Variants in GGACT observed in about 807,000 individuals in gnomAD.
The protein encoded by GGACT is gamma-glutamylaminecyclotransferase.
For synonymous variants in GGACT, 118 were observed against 115.3 expected (o/e 1.02, Z -0.15); for missense variants, 241 against 233.2 (o/e 1.03, Z -0.22).
chr13:100,582,801 G>A (rs771038655), intron 2 of GGACT, among the ~76,000 whole-genome samples: 5 of 152,188 alleles, frequency 3.3e-5, no homozygotes, highest in African/African-American at 4.8e-5. Flanking sequence ...GTGTCAGGAC[G>A]AGAAGCCAGG....
chr13:100,559,304 C>T (rs1346115692), intron 2 of GGACT, among the ~76,000 whole-genome samples: 1 of 152,186 alleles, frequency 6.6e-6, no homozygotes, highest in Admixed American at 6.5e-5. Flanking sequence ...TCTCCTGCCT[C>T]AGCCTCTCGA....
intron 2 of GGACT, among the ~76,000 whole-genome samples, chr13:100,560,157 T>C (rs1384234338): frequency 6.6e-6 from 1 of 152,162 alleles, no homozygotes; most frequent in Non-Finnish European, 1.5e-5. Context: ...GACAGGCCTG[T>C]ATCTTGAATG....
At chr13:100,581,017 G>C (rs144179052) in intron 2 of GGACT, among the ~76,000 whole-genome samples, 1 of 152,238 alleles carries the variant, frequency 6.6e-6, no homozygotes, top group East Asian at 1.9e-4. Context: ...GGAGGTGAGA[G>C]ACAGCAGGGA....
intron 2 of GGACT, among the ~76,000 whole-genome samples, chr13:100,575,571 C>A (rs924187233): frequency 6.6e-6 from 1 of 152,116 alleles, no homozygotes; most frequent in Non-Finnish European, 1.5e-5. Flanking sequence ...ATGGGATCAG[C>A]CCAGGCAACA....
Position 100,534,475 on chromosome 13 carries a change from G to C in GGACT, c.-10-1874C>G, listed in dbSNP as rs1412380075. 6.6e-6 allele frequency among the ~76,000 whole-genome samples: 1 copy of C among 152,124 alleles called. No individual in the cohort carries two copies. The highest frequency in any genetic ancestry group is 1.5e-5 in the Non-Finnish European group (1 of 68,022). ...TAAAATTGCCAGGACTCGGCTGCTG[G>C]GGTGTACGTGAAAATGACAAAAGGC... On this transcript the variant is annotated intron_variant, in intron 2 of 2. Coordinates refer to ENST00000683975, the MANE Select transcript of GGACT (RefSeq NM_001195087.2). This position sits in a 1 kb window ranked among gnomAD's most constrained non-coding sequence, Gnocchi z 4.9.
chr13:100,559,187 T>C (rs1002636618), intron 2 of GGACT, among the ~76,000 whole-genome samples: 2 of 152,194 alleles, frequency 1.3e-5, no homozygotes, highest in Non-Finnish European at 2.9e-5. Flanking sequence ...ATTAATTTAT[T>C]CATTCATTAA....
chr13:100,542,112 T>C (rs901011729), intron 2 of GGACT, among the ~76,000 whole-genome samples: 4 of 152,168 alleles, frequency 2.6e-5, no homozygotes, highest in Admixed American at 6.5e-5. Flanking sequence ...TAATTCCCCT[T>C]AGAGGATTAA....
intron 2 of GGACT, among the ~76,000 whole-genome samples, chr13:100,546,222 CAT>C (rs2088602031): frequency 6.6e-6 from 1 of 151,846 alleles, no homozygotes; most frequent in African/African-American, 2.4e-5. Flanking sequence ...ATTAGCCGGG[CAT>C]GGTGGCGGGC....
intron 2 of GGACT, among the ~76,000 whole-genome samples, chr13:100,580,759 G>A (rs907096164): frequency 6.6e-6 from 1 of 152,166 alleles, no homozygotes; most frequent in South Asian, 2.1e-4. Context: ...TGACTGTTAA[G>A]ATGTTCTCAA....
chr13:100,582,283 T>C (rs1037298189), intron 2 of GGACT, among the ~76,000 whole-genome samples: 2 of 152,182 alleles, frequency 1.3e-5, no homozygotes, highest in Non-Finnish European at 2.9e-5. Context: ...AAACTTATGA[T>C]GACCTACAGA....
intron 2 of GGACT, chr13:100,538,119 A>AT (rs1347120491): frequency 6.6e-6 from 1 of 152,182 alleles, no homozygotes; most frequent in Non-Finnish European, 1.5e-5. Context: ...AGTAGGTGGT[A>AT]TTACCTTCAT....
chr13:100,552,101 T>G (rs1379638049), intron 2 of GGACT, among the ~76,000 whole-genome samples: 1 of 152,180 alleles, frequency 6.6e-6, no homozygotes, highest in Non-Finnish European at 1.5e-5. Flanking sequence ...GCCAGATCTC[T>G]CAGGAAGGCA....
At chr13:100,581,524 A>G (rs1875416506) in intron 2 of GGACT, among the ~76,000 whole-genome samples, 1 of 152,262 alleles carries the variant, frequency 6.6e-6, no homozygotes. Flanking sequence ...CTGTGAGTCC[A>G]TAATGATATA....
intron 2 of GGACT, among the ~76,000 whole-genome samples, chr13:100,540,790 T>C (rs533048267): frequency 9.2e-4 from 140 of 152,356 alleles, no homozygotes; most frequent in Non-Finnish European, 1.7e-3. Flanking sequence ...GAAAAGTCTA[T>C]AACACTGGCC....
chr13:100,569,451 C>A (rs1458387778), intron 2 of GGACT, among the ~76,000 whole-genome samples: 1 of 152,222 alleles, frequency 6.6e-6, no homozygotes, highest in Non-Finnish European at 1.5e-5. Context: ...TACACTGGAC[C>A]CTTTTAGCCA....
rs140429031 is a variant in GGACT at position 100,540,197 on chromosome 13, C to T, written c.-10-7596G>A. ...CAGTTAGTGCAGCGAATAGGCTGCA[C>T]GTGGCCGCGGCCCTTTTTGGCACGA... On this transcript the variant is annotated intron_variant, in intron 2 of 2. Coordinates refer to ENST00000683975, the MANE Select transcript of GGACT (RefSeq NM_001195087.2). 2.9e-5 allele frequency: 43 copies of T among 1,508,632 alleles called. 1 individual carries two copies. Among genetic ancestry groups the T allele is most frequent in the Middle Eastern group, 1.7e-4 (1 of 5,870 alleles). 93.5% of individuals were successfully genotyped at this position (1,508,632 alleles called of 1,614,324 possible).
chr13:100,565,541 A>G (rs891934682), intron 2 of GGACT, among the ~76,000 whole-genome samples: 3 of 152,108 alleles, frequency 2.0e-5, no homozygotes, highest in African/African-American at 7.2e-5. Flanking sequence ...CTGCAAAAGC[A>G]TCTCTGCAGA....
rs2088642882 is a variant in GGACT at position 100,550,063 on chromosome 13, G to A, written c.-10-17462C>T. Among the ~76,000 whole-genome samples the A allele has an allele frequency of 2.0e-5, 3 of 152,082 alleles. No individual in the cohort carries two copies. In the South Asian group the frequency reaches 6.2e-4, roughly 32 times the overall value. ...TCAACTACAAGGAAGAAGGGAGCGG[G>A]GAAGGCAATTCGGCATGTGTCCCTG... On this transcript the variant is annotated intron_variant, in intron 2 of 2. Transcript: ENST00000683975.
chr13:100,564,534 G>A (rs774390131), intron 2 of GGACT, among the ~76,000 whole-genome samples: 32 of 152,156 alleles, frequency 2.1e-4, no homozygotes, highest in Admixed American at 1.2e-3. Flanking sequence ...AATACAAAAA[G>A]CCTTAGAATA....
Sources: gnomAD v4.1 joint callset for allele counts (sites outside exome capture counted in the v4.1 genomes callset) on GRCh38, gnomAD v4.1.1 for gene constraint, Gnocchi (gnomAD v3.1) non-coding constraint, MANE v1.5 for transcripts, NCBI Gene and HGNC (gene_info 2026-07-23, HGNC 2026-07-21) for gene names.